DCHS2: variants seen among roughly 807,000 people sequenced by gnomAD.
DCHS2 encodes the protein dachsous cadherin-related 2.
A neutral mutation model predicts 182.4 loss-of-function variants in DCHS2; 142 were observed. The observed-to-expected ratio is 0.78, with a 90% CI of 0.68 to 0.89. The LOEUF (loss-of-function observed/expected upper bound fraction) is 0.89. Ranked by LOEUF, DCHS2 falls within the 40% of genes least tolerant of loss-of-function variation. DCHS2 has a pLI of 0.00. For missense variants in DCHS2, 4,319 were observed against 4,198.6 expected, an observed-to-expected ratio of 1.03 and a Z score of -0.79; for synonymous variants, 1,740 against 1,663.3, an observed-to-expected ratio of 1.05 and a Z score of -1.12.
chr4:154,274,563 T>G (rs1182314743), intron 13 of DCHS2, among the ~76,000 whole-genome samples: 1 of 152,218 alleles, frequency 6.6e-6, no homozygotes, highest in African/African-American at 2.4e-5. Context: ...AGTTTTGCTT[T>G]GAAAATTTCA....
At chr4:154,237,218 A>C (rs1731574499) in intron 19 of DCHS2, 59 bp from the exon 20 acceptor site, 1 of 1,519,590 alleles carries the variant, frequency 6.6e-7, no homozygotes, top group East Asian at 2.3e-5. Flanking sequence ...GATCCATTTA[A>C]TCGGCAGTTG....
chr4:154,331,777 G>T, intron 5 of DCHS2: 1 of 1,520,374 alleles, frequency 6.6e-7, no homozygotes, highest in Non-Finnish European at 8.9e-7. Context: ...TACTACTCGA[G>T]CTATCTGAGT....
At chr4:154,240,900 A>G (rs1731795013) in intron 17 of DCHS2, 77 bp from the exon 18 acceptor site, 1 of 1,529,554 alleles carries the variant, frequency 6.5e-7, no homozygotes, top group Non-Finnish European at 8.8e-7. Flanking sequence ...GTTCCATCCA[A>G]GTATTTTTAT....
chr4:154,295,425 T>C (rs939807340), intron 13 of DCHS2, among the ~76,000 whole-genome samples: 14 of 152,226 alleles, frequency 9.2e-5, no homozygotes, highest in African/African-American at 2.9e-4. Context: ...TTCATTATCA[T>C]AGGAATTCAT....
intron 1 of DCHS2, among the ~76,000 whole-genome samples, chr4:154,417,821 T>C (rs918736269): frequency 1.3e-5 from 2 of 152,184 alleles, no homozygotes; most frequent in Non-Finnish European, 2.9e-5. Context: ...GGCTTTCAAT[T>C]CTCTTTCTAT....
intron 16 of DCHS2, among the ~76,000 whole-genome samples, chr4:154,247,996 A>T (rs940485676): frequency 6.6e-6 from 1 of 152,184 alleles, no homozygotes; most frequent in African/African-American, 2.4e-5. Flanking sequence ...CTAGATGGAG[A>T]GGGCATAAAG....
chr4:154,331,774 C>A, intron 5 of DCHS2: 1 of 1,529,440 alleles, frequency 6.5e-7, no homozygotes, highest in Admixed American at 2.0e-5. Context: ...GTGTACTACT[C>A]GAGCTATCTG....
At chr4:154,481,277 T>C (rs901263778) in intron 1 of DCHS2, among the ~76,000 whole-genome samples, 5 of 152,120 alleles carry the variant, frequency 3.3e-5, no homozygotes, top group Non-Finnish European at 7.4e-5. Context: ...TTTTATTTTA[T>C]TGGAGACAGG....
chr4:154,317,483 T>G (rs1735905150), intron 9 of DCHS2, among the ~76,000 whole-genome samples: 1 of 152,218 alleles, frequency 6.6e-6, no homozygotes, highest in Non-Finnish European at 1.5e-5. Context: ...TTGATGAAAT[T>G]TTCCAACGGA....
intron 1 of DCHS2, among the ~76,000 whole-genome samples, chr4:154,487,357 G>A (rs1728624191): frequency 6.6e-6 from 1 of 152,190 alleles, no homozygotes; most frequent in Non-Finnish European, 1.5e-5. Context: ...CGGAAGTTGT[G>A]TAAGTCACTC....
chr4:154,279,522 A>G (rs1734025333), intron 13 of DCHS2, among the ~76,000 whole-genome samples: 2 of 152,060 alleles, frequency 1.3e-5, no homozygotes, highest in African/African-American at 4.8e-5. Flanking sequence ...ACATTATATA[A>G]TAATAAAAAG....
At position 154,298,223 on chromosome 4, in the gene DCHS2, C is replaced by T; in HGVS notation, c.6091G>A (p.Val2031Ile). The T allele has an allele frequency of 6.2e-7, 1 of 1,614,132 alleles. No homozygotes were observed. The highest frequency in any genetic ancestry group is 8.5e-7 in the Non-Finnish European group (1 of 1,180,012). ...TCCAAAACTGGATCATTGTCATTAA[C>T]ATCAGTGACATATACTTTTATAATT... ...TVIIKVYVTD[V>I]NDNDPVLEQN... Residue 2031 changes from valine (V) to isoleucine (I), a missense_variant, in exon 13 of 20, where the codon GTT (valine) becomes ATT (isoleucine). By Grantham distance (29) the Val-to-Ile change is conservative. Coordinates refer to ENST00000357232, the MANE Select transcript of DCHS2 (RefSeq NM_001358235.2).
chr4:154,325,265 T>C (rs1439793092), intron 7 of DCHS2, among the ~76,000 whole-genome samples: 1 of 151,676 alleles, frequency 6.6e-6, no homozygotes, highest in East Asian at 1.9e-4. Context: ...AAATAACATA[T>C]GCCATGGCTT....
intron 13 of DCHS2, among the ~76,000 whole-genome samples, chr4:154,275,102 G>T (rs890765885): frequency 6.6e-6 from 1 of 151,722 alleles, no homozygotes; most frequent in African/African-American, 2.4e-5. Flanking sequence ...AAAAGAAAAG[G>T]CTCTGGAACA....
chr4:154,256,270 C>T (rs146500938), intron 15 of DCHS2, among the ~76,000 whole-genome samples: 2 of 152,166 alleles, frequency 1.3e-5, no homozygotes, highest in African/African-American at 4.8e-5. Flanking sequence ...CTTTAGCCTC[C>T]CAAGTAGCAT....
chr4:154,439,715 C>T lies in DCHS2; in HGVS notation c.2052+49589G>A, dbSNP rs558167037. ...ATTTTTTCATTTTATATAGTTAAAT[C>T]TGAGCTTTACAAAATATGTGCTTTA... On this transcript the variant is annotated intron_variant, in intron 1 of 19. Coordinates refer to ENST00000357232, the MANE Select transcript of DCHS2 (RefSeq NM_001358235.2). Among the ~76,000 whole-genome samples, 6 of 152,258 alleles carry T rather than the reference C, an allele frequency of 3.9e-5. No homozygotes were observed. In the East Asian group the frequency reaches 1.2e-3, roughly 29 times the overall value.
In DCHS2 at chr4:154,240,788, CTG is replaced by C. The variant is rs1560976129; in HGVS notation, c.7106_7107del (p.Ser2369CysfsTer3). 1.1e-5 allele frequency: 18 copies of C among 1,613,730 alleles called. No individual in the cohort carries two copies. Among genetic ancestry groups the C allele is most frequent in the Non-Finnish European group, 1.5e-5 (18 of 1,179,890 alleles). On this transcript the variant is annotated frameshift_variant, in exon 18 of 20. Coordinates refer to ENST00000357232, the MANE Select transcript of DCHS2 (RefSeq NM_001358235.2). LOFTEE classifies it high-confidence loss of function. ...GCTGAATTCAAATCCACATCATGAA[CTG>C]ACACATGAGTCACAATTACACCAGG... ...SLPGVIVTHVSVHDVDLNSAF... is the reference protein window; with the variant it reads ...SLPGVIVTHVXVHDVDLNSAF...
chr4:154,312,582 G>A (rs1203430142), intron 10 of DCHS2, among the ~76,000 whole-genome samples: 3 of 152,058 alleles, frequency 2.0e-5, no homozygotes, highest in East Asian at 3.9e-4. Context: ...TAAAAATAAA[G>A]GATCAGGGAT....
chr4:154,250,444 C>T (rs890161730), intron 16 of DCHS2, among the ~76,000 whole-genome samples: 2 of 152,114 alleles, frequency 1.3e-5, no homozygotes, highest in African/African-American at 4.8e-5. Flanking sequence ...TGAGTGAAGA[C>T]CCCTACCCTG....
Sources: gnomAD v4.1 joint callset for allele counts (sites outside exome capture counted in the v4.1 genomes callset) on GRCh38, gnomAD v4.1.1 for gene constraint, MANE v1.5 for transcripts, NCBI Gene and HGNC (gene_info 2026-07-23, HGNC 2026-07-21) for gene names.